CTNNA3: variants seen among roughly 807,000 people sequenced by gnomAD.
The protein encoded by CTNNA3 is catenin alpha 3, also known as catenin alpha-3.
Under a neutral mutation model 95.7 loss-of-function variants are expected in CTNNA3, and 76 were observed. The observed-to-expected ratio is 0.79, with a 90% CI of 0.66 to 0.96. The LOEUF (loss-of-function observed/expected upper bound fraction) is 0.96, where lower values mean the gene tolerates loss of function less well. CTNNA3 is among the 40% of genes least tolerant of loss of function. The pLI is 0.00. For synonymous variants in CTNNA3, 431 were observed against 374.4 expected (o/e 1.15, Z -1.74); for missense variants, 1,191 against 1,089.8 (o/e 1.09, Z -1.31).
chr10:67,209,431 TC>T (rs1864048223), intron 6 of CTNNA3, among the ~76,000 whole-genome samples: 1 of 152,114 alleles, frequency 6.6e-6, no homozygotes, highest in South Asian at 2.1e-4. Context: ...GTGAAAGACT[TC>T]AACTAACCTC....
intron 1 of CTNNA3, among the ~76,000 whole-genome samples, chr10:67,680,675 C>A (rs747655883): frequency 1.4e-4 from 22 of 152,158 alleles, no homozygotes; most frequent in Non-Finnish European, 2.8e-4. Context: ...TAGTTATAAT[C>A]AAAAACCCTG....
intron 7 of CTNNA3, among the ~76,000 whole-genome samples, chr10:67,126,053 C>T (rs1436924975): frequency 1.3e-5 from 2 of 152,038 alleles, no homozygotes; most frequent in Non-Finnish European, 2.9e-5. Context: ...TCATGAAATG[C>T]CTTTCACAGC....
chr10:66,914,455 G>A (rs1846380350), intron 7 of CTNNA3, among the ~76,000 whole-genome samples: 1 of 149,946 alleles, frequency 6.7e-6, no homozygotes, highest in Admixed American at 6.7e-5. Flanking sequence ...TAACCGTAGA[G>A]AAACGCCTCC....
At chr10:66,765,820 C>T (rs1392500961) in intron 9 of CTNNA3, among the ~76,000 whole-genome samples, 1 of 152,092 alleles carries the variant, frequency 6.6e-6, no homozygotes, top group African/African-American at 2.4e-5. Flanking sequence ...CCCCTACTTA[C>T]TTATTCCTGG....
intron 13 of CTNNA3, among the ~76,000 whole-genome samples, chr10:66,165,052 T>G (rs2085054256): frequency 6.6e-6 from 1 of 152,174 alleles, no homozygotes; most frequent in South Asian, 2.1e-4. Flanking sequence ...GAAAATAATA[T>G]GTGCTATATA....
At chr10:66,543,380 G>C (rs947901060) in intron 10 of CTNNA3, among the ~76,000 whole-genome samples, 4 of 152,052 alleles carry the variant, frequency 2.6e-5, no homozygotes, top group African/African-American at 9.7e-5. Flanking sequence ...GTGAGCTACT[G>C]CACCCGCCCA....
intron 10 of CTNNA3, among the ~76,000 whole-genome samples, chr10:66,586,766 C>A (rs1425944862): frequency 6.6e-6 from 1 of 152,154 alleles, no homozygotes; most frequent in East Asian, 1.9e-4. Flanking sequence ...ACTTTCCCCA[C>A]TGAGCCCAGC....
intron 7 of CTNNA3, among the ~76,000 whole-genome samples, chr10:66,854,832 T>C (rs190435132): frequency 6.6e-6 from 1 of 151,722 alleles, no homozygotes. Context: ...ACGAAGATAG[T>C]GCGGTCTGGA....
chr10:66,543,357 T>G (rs1841926334), intron 10 of CTNNA3, among the ~76,000 whole-genome samples: 1 of 152,138 alleles, frequency 6.6e-6, no homozygotes. Context: ...CCCAAAGTGC[T>G]GGGATTACAG....
At position 67,338,556 on chromosome 10, in the gene CTNNA3, G is replaced by A. The variant is rs75580402; in HGVS notation, c.580-118686C>T. Among the ~76,000 whole-genome samples, 1,303 of 152,032 alleles carry A rather than the reference G, an allele frequency of 8.6e-3. 28 individuals are homozygous for A. Among genetic ancestry groups the A allele is most frequent in the East Asian group, 0.075 (389 of 5,168 alleles). The stretch of plus-strand genomic sequence containing the variant: ...ATACAAATGCCAATAAAGCCCAGGA[G>A]AGAAAATAACAGAAAAAAAAATTGT... On this transcript the variant is annotated intron_variant, in intron 5 of 17. Coordinates refer to ENST00000433211, the MANE Select transcript of CTNNA3 (RefSeq NM_013266.4).
chr10:66,394,945 C>T (rs1362249815), intron 11 of CTNNA3, among the ~76,000 whole-genome samples: 1 of 151,914 alleles, frequency 6.6e-6, no homozygotes, highest in African/African-American at 2.4e-5. Flanking sequence ...AGATAGAATG[C>T]AAATGTACAG....
At chr10:66,300,861 T>G (rs1564850075) in intron 12 of CTNNA3, among the ~76,000 whole-genome samples, 3 of 149,340 alleles carry the variant, frequency 2.0e-5, no homozygotes. Flanking sequence ...AAGCAGAAAA[T>G]CAGTAAAGAA....
At chr10:67,639,030 G>C (rs1268011331) in intron 2 of CTNNA3, among the ~76,000 whole-genome samples, 1 of 152,100 alleles carries the variant, frequency 6.6e-6, no homozygotes, top group South Asian at 2.1e-4. Context: ...GAAGGAAATA[G>C]ACACATAAAA....
intron 16 of CTNNA3, among the ~76,000 whole-genome samples, chr10:65,978,644 A>G (rs2078256672): frequency 1.3e-5 from 2 of 152,090 alleles, no homozygotes; most frequent in Admixed American, 6.6e-5. Flanking sequence ...TCAGCATCTC[A>G]TCAACATTTC....
chr10:66,647,387 C>T (rs945061555), intron 9 of CTNNA3, among the ~76,000 whole-genome samples: 7 of 152,018 alleles, frequency 4.6e-5, no homozygotes, highest in African/African-American at 1.4e-4. Flanking sequence ...ACTTTGGGAA[C>T]AGGCAGGCTG....
intron 7 of CTNNA3, among the ~76,000 whole-genome samples, chr10:67,170,765 T>C (rs1861984008): frequency 6.6e-6 from 1 of 151,946 alleles, no homozygotes; most frequent in Non-Finnish European, 1.5e-5. Flanking sequence ...CCCCTGTATC[T>C]AAAAAAAGGT....
chr10:66,094,622 A>G (rs926546014), intron 14 of CTNNA3, among the ~76,000 whole-genome samples: 2 of 152,136 alleles, frequency 1.3e-5, no homozygotes, highest in Non-Finnish European at 2.9e-5. Flanking sequence ...CCTGTTATAA[A>G]GAAAACATTT....
chr10:66,115,513 AGATAGATAGAT>A lies in CTNNA3; in HGVS notation c.1885-12275_1885-12265del, dbSNP rs1464385159. The stretch of plus-strand genomic sequence containing the variant: ...TGACTTCCCAATGGGGAATATAGAT[AGATAGATAGAT>A]GATAGATAGATAGATAGATAGATAG... On this transcript the variant is annotated intron_variant, in intron 13 of 17. Transcript: ENST00000433211. Among the ~76,000 whole-genome samples, 578 of 146,088 alleles carry A rather than the reference AGATAGATAGAT, an allele frequency of 4.0e-3. 8 individuals are homozygous for A. Among genetic ancestry groups the A allele is most frequent in the African/African-American group, 0.015 (548 of 37,728 alleles).
intron 12 of CTNNA3, among the ~76,000 whole-genome samples, chr10:66,302,121 G>C (rs6480158): frequency 6.6e-6 from 1 of 151,632 alleles, no homozygotes; most frequent in Non-Finnish European, 1.5e-5. Context: ...TAATATCTAC[G>C]AGATCCATGT....
Sources: allele counts gnomAD v4.1 joint callset (sites outside exome capture counted in the v4.1 genomes callset), GRCh38; gene constraint gnomAD v4.1.1; transcripts MANE v1.5; gene names NCBI Gene and HGNC (gene_info 2026-07-23, HGNC 2026-07-21).